Variants in GLMN observed in about 807,000 individuals in gnomAD.
GLMN encodes glomulin, FKBP associated protein, also known as glomulin.
GLMN carries 75 observed loss-of-function variants against 87.8 expected under a neutral mutation model. The ratio of observed to expected loss-of-function variants is 0.85; its 90% CI spans 0.71 to 1.04. GLMN has a LOEUF of 1.04. Among genes scored for constraint, GLMN ranks in the 50% least tolerant of loss-of-function variants. GLMN has a pLI of 0.00. For synonymous variants in GLMN, 206 were observed against 221.6 expected (o/e 0.93, Z 0.63); for missense variants, 588 against 658.8 (o/e 0.89, Z 1.18).
At chr1:92,311,809 G>A in the GLMN span, among the ~76,000 whole-genome samples, 12 of 152,166 alleles carry the variant, frequency 7.9e-5, no homozygotes, top group African/African-American at 2.9e-4. Context: ...TAAATGTGCA[G>A]TAGCGTTATA....
Position 92,247,974 on chromosome 1 carries a change from C to G in GLMN, c.1489G>C (p.Glu497Gln), listed in dbSNP as rs1252259405. The change falls in exon 17 of 19, where the codon GAA becomes CAA. Residue 497 changes from glutamate to glutamine, a missense_variant. Coordinates refer to ENST00000370360, the MANE Select transcript of GLMN (RefSeq NM_053274.3). ...ENDNQTGLWT[E>Q]LGNIENNFLK... The stretch of plus-strand genomic sequence containing the variant: ...AAATTATTCTCAATATTTCCAAGTT[C>G]TGTCCATAATCCAGTCTGTTAAGAA... 7.9e-7 allele frequency: 1 copy of G among 1,264,008 alleles called. No individual in the cohort carries two copies. The highest frequency in any genetic ancestry group is 1.2e-6 in the Non-Finnish European group (1 of 862,420). 78.3% of individuals were successfully genotyped at this position (1,264,008 alleles called of 1,614,324 possible).
the GLMN span, among the ~76,000 whole-genome samples, chr1:92,354,320 T>C: frequency 3.9e-5 from 6 of 152,166 alleles, no homozygotes; most frequent in Non-Finnish European, 8.8e-5. Flanking sequence ...TCTTAGAGTA[T>C]TGAAAAAAAG....
At chr1:92,339,916 G>T in the GLMN span, among the ~76,000 whole-genome samples, 5 of 152,006 alleles carry the variant, frequency 3.3e-5, no homozygotes, top group African/African-American at 1.2e-4. Flanking sequence ...TCTGAGATTT[G>T]CTTCAAAATT....
At chr1:92,260,638 A>G (rs116360138) in intron 16 of GLMN, among the ~76,000 whole-genome samples, 747 of 151,840 alleles carry the variant, frequency 4.9e-3, no homozygotes, top group African/African-American at 0.017. Flanking sequence ...AGTGCCTGTA[A>G]TCCCAGCACT....
chr1:92,272,454 T>C (rs571595088), intron 7 of GLMN, among the ~76,000 whole-genome samples: 2 of 152,384 alleles, frequency 1.3e-5, no homozygotes, highest in East Asian at 3.9e-4. Flanking sequence ...TTCAGAATCA[T>C]AGTTTAAAAA....
intron 3 of GLMN, among the ~76,000 whole-genome samples, chr1:92,293,670 A>G (rs1371100412): frequency 6.6e-6 from 1 of 152,206 alleles, no homozygotes; most frequent in Non-Finnish European, 1.5e-5. Context: ...TGTTCATTGC[A>G]GCACTATTTA....
At chr1:92,335,680 C>T in the GLMN span, among the ~76,000 whole-genome samples, 2 of 152,138 alleles carry the variant, frequency 1.3e-5, no homozygotes, top group East Asian at 3.9e-4. Context: ...CACTTCACAT[C>T]TATCATGAAT....
the GLMN span, among the ~76,000 whole-genome samples, chr1:92,362,756 C>T: frequency 3.3e-5 from 5 of 152,106 alleles, no homozygotes; most frequent in East Asian, 3.8e-4. Context: ...TGAGGCCCCA[C>T]ATTATAATGT....
upstream of GLMN, chr1:92,299,245 C>CA (rs1220011386): frequency 1.6e-6 from 1 of 619,300 alleles, no homozygotes; most frequent in African/African-American, 1.9e-5. Context: ...AAGGCTGCTT[C>CA]AGGGGAGGGG....
chr1:92,303,567 TA>T (rs199676891), upstream of GLMN, among the ~76,000 whole-genome samples: 1,184 of 152,290 alleles, frequency 7.8e-3, 6 homozygotes, highest in African/African-American at 0.027. Flanking sequence ...GATTATGCTT[TA>T]AAAAATAGGT....
At chr1:92,337,344 T>C in the GLMN span, among the ~76,000 whole-genome samples, 2 of 152,148 alleles carry the variant, frequency 1.3e-5, no homozygotes, top group South Asian at 2.1e-4. Context: ...TAACACCTAA[T>C]AGACATCATT....
the GLMN span, chr1:92,323,774 A>G: frequency 6.2e-7 from 1 of 1,614,132 alleles, no homozygotes; most frequent in South Asian, 1.1e-5. Flanking sequence ...CAGGAGAAAG[A>G]TGCTACATGT....
intron 7 of GLMN, among the ~76,000 whole-genome samples, chr1:92,279,094 C>CATTCAGT: frequency 6.6e-6 from 1 of 151,796 alleles, no homozygotes; most frequent in African/African-American, 2.4e-5. Flanking sequence ...CTGTCTCTTG[C>CATTCAGT]ATGTCCTAAC....
chr1:92,278,309 A>G (rs1465185706), intron 7 of GLMN, among the ~76,000 whole-genome samples: 1 of 152,176 alleles, frequency 6.6e-6, no homozygotes, highest in Non-Finnish European at 1.5e-5. Flanking sequence ...TAGCACTGGT[A>G]ACAATGAAGA....
chr1:92,282,574 C>A (rs1182989494), intron 7 of GLMN, among the ~76,000 whole-genome samples: 2 of 152,008 alleles, frequency 1.3e-5, no homozygotes, highest in East Asian at 3.9e-4. Flanking sequence ...ATTGGAAAAG[C>A]AAGAGCAAAC....
At chr1:92,326,372 G>T in the GLMN span, among the ~76,000 whole-genome samples, 1 of 152,190 alleles carries the variant, frequency 6.6e-6, no homozygotes, top group African/African-American at 2.4e-5. Flanking sequence ...TGGCAGGGGG[G>T]TGAAATGGAT....
At chr1:92,255,226 T>C (rs928497104) in intron 16 of GLMN, among the ~76,000 whole-genome samples, 5 of 152,120 alleles carry the variant, frequency 3.3e-5, no homozygotes, top group African/African-American at 1.2e-4. Flanking sequence ...TAAATATATA[T>C]AAAGCCAATA....
chr1:92,307,726 A>ATT, the GLMN span, among the ~76,000 whole-genome samples: 39,080 of 150,184 alleles, frequency 0.26, 6,356 homozygotes, highest in Non-Finnish European at 0.35. Flanking sequence ...TTAAAAAGTA[A>ATT]TTTTTTTTTT....
chr1:92,270,594 C>T lies in GLMN; in HGVS notation c.924-818G>A, dbSNP rs144490230. Among the ~76,000 whole-genome samples the T allele has an allele frequency of 2.3e-3, 349 of 152,274 alleles. 1 individual carries two copies. The highest frequency in any genetic ancestry group is 8.0e-3 in the African/African-American group (332 of 41,556). On this transcript the variant is annotated intron_variant, in intron 8 of 18. Coordinates refer to ENST00000370360, the MANE Select transcript of GLMN (RefSeq NM_053274.3). ...TCATATATAAATGCACAAACTCACACAAATACCCAATGCCTATAAGACAAA... is the reference window on the plus strand; with the variant it reads ...TCATATATAAATGCACAAACTCACATAAATACCCAATGCCTATAAGACAAA...
Sources: gnomAD v4.1 joint callset for allele counts (sites outside exome capture counted in the v4.1 genomes callset) on GRCh38, gnomAD v4.1.1 for gene constraint, MANE v1.5 for transcripts, NCBI Gene and HGNC (gene_info 2026-07-23, HGNC 2026-07-21) for gene names.